Variants in GLE1 observed in about 807,000 individuals in gnomAD.
GLE1 encodes GLE1 RNA export mediator, also known as mRNA export factor GLE1.
In GLE1, 78 loss-of-function variants were observed where a neutral mutation model predicts 97.3. The ratio of observed to expected loss-of-function variants is 0.80; its 90% CI spans 0.67 to 0.97. The LOEUF (loss-of-function observed/expected upper bound fraction) is 0.97. GLE1 is among the 50% of genes least tolerant of loss of function. The pLI is 0.00. For synonymous variants in GLE1, 302 were observed against 313.4 expected (o/e 0.96, Z 0.39); for missense variants, 753 against 857.5 (o/e 0.88, Z 1.52).
chr9:128,517,977 A>C (rs772409857), intron 3 of GLE1, among the ~76,000 whole-genome samples: 7 of 152,128 alleles, frequency 4.6e-5, no homozygotes, highest in Admixed American at 6.6e-5. Context: ...CAGTTATCTA[A>C]AGATCCTTAT....
chr9:128,529,266 A>C lies in GLE1; in HGVS notation c.1312+1741A>C, dbSNP rs73669915. Among the ~76,000 whole-genome samples the C allele has an allele frequency of 4.8e-3, 735 of 152,244 alleles. 5 individuals carry two copies. Among genetic ancestry groups the C allele is most frequent in the African/African-American group, 0.017 (697 of 41,532 alleles). ...AGACAGGGTCAGTACCTCCTTCATC[A>C]GGAAAATGGAGACATCCAGTGTGAG... is the stretch of plus-strand genomic sequence containing the variant. On this transcript the variant is annotated intron_variant, in intron 9 of 15. Transcript: ENST00000309971.
At chr9:128,523,254 A>G (rs777532632) in intron 4 of GLE1, 26 bp from the exon 5 acceptor site, 38 of 1,552,054 alleles carry the variant, frequency 2.4e-5, no homozygotes, top group South Asian at 3.3e-5. Context: ...ATCCCTGACT[A>G]TTCCTCCCTG....
intron 2 of GLE1, among the ~76,000 whole-genome samples, chr9:128,514,492 G>C (rs1187326918): frequency 2.1e-5 from 3 of 144,496 alleles, no homozygotes; most frequent in Non-Finnish European, 3.0e-5. Flanking sequence ...TCCCAGGCTA[G>C]AGTGCAGTCG....
intron 3 of GLE1, among the ~76,000 whole-genome samples, chr9:128,519,378 C>T: frequency 6.6e-6 from 1 of 152,198 alleles, no homozygotes; most frequent in Non-Finnish European, 1.5e-5. Flanking sequence ...TTCTTTTTCT[C>T]AGCAAGGAAC....
Position 128,509,195 on chromosome 9 carries a change from A to G in GLE1, c.321+98A>G, listed in dbSNP as rs776442733. 336 of 772,284 alleles carry G rather than the reference A, an allele frequency of 4.4e-4. 6 individuals are homozygous for G. The highest frequency in any genetic ancestry group is 3.5e-4 in the Middle Eastern group (1 of 2,890). The allele number at this position is 772,284 out of a possible 1,614,324, so 47.8% of individuals were successfully genotyped here. A position where few individuals can be genotyped will look rare whatever the true frequency, so the allele number is the denominator to read the frequency against. ...CAGTGACCATACCCTAGGGGAAATA[A>G]TGATTGCTCATTGTTGTAGCTGTTG... On this transcript the variant is annotated intron_variant, in intron 2 of 15. Transcript: ENST00000309971.
chr9:128,515,457 G>T (rs898521572), intron 2 of GLE1, 72 bp from the exon 3 acceptor site: 24 of 843,044 alleles, frequency 2.8e-5, no homozygotes, highest in Non-Finnish European at 3.9e-5. Context: ...TCTTTGTCTA[G>T]AAGAGATAAC....
intron 2 of GLE1, among the ~76,000 whole-genome samples, chr9:128,513,156 A>G (rs1846874070): frequency 6.6e-6 from 1 of 151,990 alleles, no homozygotes; most frequent in South Asian, 2.1e-4. Flanking sequence ...ATTTGGAATC[A>G]CCTAGATCTA....
chr9:128,512,209 TAAA>T, intron 2 of GLE1, among the ~76,000 whole-genome samples: 9 of 152,268 alleles, frequency 5.9e-5, no homozygotes, highest in African/African-American at 1.9e-4. Context: ...GGTGAGGCTA[TAAA>T]TATAGGTGTG....
intron 5 of GLE1, 33 bp from the exon 6 acceptor site, chr9:128,523,559 C>G: frequency 6.2e-7 from 1 of 1,612,938 alleles, no homozygotes; most frequent in Non-Finnish European, 8.5e-7. Flanking sequence ...CCAGGAACCC[C>G]TCAGAGAGAA....
Position 128,541,292 on chromosome 9 carries a change from ATTTATGCCTTGTGACTAGGAGAGGAGATT to A in GLE1, c.*125_*153del, listed in dbSNP as rs1847877781. 10 of 744,464 alleles carry A rather than the reference ATTTATGCCTTGTGACTAGGAGAGGAGATT, an allele frequency of 1.3e-5. No homozygotes were observed. The highest frequency in any genetic ancestry group is 2.5e-5 in the Non-Finnish European group (10 of 408,076). 46.1% of individuals were successfully genotyped at this position (744,464 alleles called of 1,614,324 possible). A position where few individuals can be genotyped will look rare whatever the true frequency, so the allele number is the denominator to read the frequency against. On this transcript the variant is annotated 3_prime_UTR_variant, in exon 16 of 16. Coordinates refer to ENST00000309971, the MANE Select transcript of GLE1 (RefSeq NM_001003722.2). ...AATTTGCCATTATGTATTTTTATGT[ATTTATGCCTTGTGACTAGGAGAGGAGATT>A]TTCATGGGTCACAAAATTCTTGGAG...
rs140782387 is a variant in GLE1 at position 128,537,133 on chromosome 9, G to T, written c.1776+649G>T. 2.8e-4 allele frequency among the ~76,000 whole-genome samples: 42 copies of T among 152,204 alleles called. No homozygotes were observed. The East Asian group carries it at 4.6e-3, about 17-fold the overall frequency. ...ATGCATATTGAAGGGAGCCTATAAA[G>T]AATGTGTGGGAACCAATGTATTGAA... On this transcript the variant is annotated intron_variant, in intron 12 of 15. Transcript: ENST00000309971.
intron 14 of GLE1, 78 bp downstream of exon 14, chr9:128,539,776 C>T: frequency 3.1e-6 from 5 of 1,610,834 alleles, no homozygotes; most frequent in Non-Finnish European, 4.2e-6. Flanking sequence ...GTGCTATTAC[C>T]TGCTGGTTTT....
At chr9:128,539,764 G>A (rs1847833086) in intron 14 of GLE1, 66 bp downstream of exon 14, 1 of 1,612,756 alleles carries the variant, frequency 6.2e-7, no homozygotes, top group Admixed American at 1.7e-5. Context: ...AGATACCCAA[G>A]GGTGCTATTA....
rs17856852 is a variant in GLE1, at chr9:128,536,477, G to A, written c.1769G>A (p.Arg590Gln). The change falls in exon 12 of 16, where the codon CGA (arginine) becomes CAA (glutamine). Residue 590 changes from arginine (R) to glutamine (Q), a missense_variant. By Grantham distance (43) the Arg-to-Gln change is conservative. Transcript: ENST00000309971. ...CAGCTCCGGTGGCCATATGGAAACC[G>A]ACAGGAGGTAGGTAAAAGAGGCTTA... is the stretch of plus-strand genomic sequence containing the variant. ...IIQLRWPYGN[R>Q]QEIHPHGLNH... 11 of 1,613,372 alleles carry A rather than the reference G, an allele frequency of 6.8e-6. No individual in the cohort carries two copies. The highest frequency in any genetic ancestry group is 1.1e-5 in the South Asian group (1 of 91,054).
chr9:128,521,492 C>G (rs1847151056), intron 3 of GLE1, among the ~76,000 whole-genome samples: 1 of 152,102 alleles, frequency 6.6e-6, no homozygotes, highest in African/African-American at 2.4e-5. Flanking sequence ...TATAAGTGTG[C>G]CACTGCACTC....
At chr9:128,527,779 CA>C (rs923974303) in intron 9 of GLE1, among the ~76,000 whole-genome samples, 15 of 151,810 alleles carry the variant, frequency 9.9e-5, no homozygotes, top group African/African-American at 3.4e-4. Flanking sequence ...GCCTAACCAA[CA>C]TAGTGAAACC....
Position 128,504,900 on chromosome 9 carries a change from G to T in GLE1, c.95G>T (p.Arg32Leu). 1 of 1,603,624 alleles carries T rather than the reference G, an allele frequency of 6.2e-7. No homozygotes were observed. Among genetic ancestry groups the T allele is most frequent in the Non-Finnish European group, 8.5e-7 (1 of 1,170,656 alleles). The change falls in exon 1 of 16, where the codon CGC becomes CTC. Residue 32 changes from arginine (R) to leucine (L), a missense_variant. Coordinates refer to ENST00000309971, the MANE Select transcript of GLE1 (RefSeq NM_001003722.2). ...LCYYRDWLLR[R>L]EDVLEECMSL... ...TACTACCGCGACTGGCTGCTGCGGC[G>T]CGAGGTGAGCGGTGGCCCCGGAGGA... is the stretch of plus-strand genomic sequence containing the variant.
At chr9:128,531,410 C>G (rs1847501766) in intron 9 of GLE1, among the ~76,000 whole-genome samples, 1 of 151,560 alleles carries the variant, frequency 6.6e-6, no homozygotes, top group South Asian at 2.1e-4. Context: ...GCCTGTAATC[C>G]CAGCTACTCG....
intron 7 of GLE1, 97 bp downstream of exon 7, chr9:128,525,520 G>GT: frequency 2.4e-6 from 2 of 825,608 alleles, no homozygotes; most frequent in Non-Finnish European, 4.1e-6. Flanking sequence ...CTGTAGGACA[G>GT]TTAACCAGAA....
Sources: allele counts gnomAD v4.1 joint callset (sites outside exome capture counted in the v4.1 genomes callset), GRCh38; gene constraint gnomAD v4.1.1; transcripts MANE v1.5; gene names NCBI Gene and HGNC (gene_info 2026-07-23, HGNC 2026-07-21).